The following CHST11 variants were observed in gnomAD, a reference collection of about 807,000 sequenced individuals.
CHST11 encodes C4S-1.
In CHST11, 9 loss-of-function variants were observed where a neutral mutation model predicts 30.4. The observed-to-expected ratio is 0.30, with a 90% CI of 0.18 to 0.52. The LOEUF (loss-of-function observed/expected upper bound fraction) is 0.52, where lower values mean the gene tolerates loss of function less well. CHST11 is among the 20% of genes least tolerant of loss of function. The pLI, the probability that CHST11 is intolerant of heterozygous loss-of-function variation, is 0.97. For missense variants in CHST11, 348 were observed against 460.6 expected, an observed-to-expected ratio of 0.76 and a Z score of 2.24; for synonymous variants, 152 against 187.8, an observed-to-expected ratio of 0.81 and a Z score of 1.56.
At chr12:104,726,246 A>G (rs983620257) in intron 2 of CHST11, among the ~76,000 whole-genome samples, 1 of 152,144 alleles carries the variant, frequency 6.6e-6, no homozygotes, top group African/African-American at 2.4e-5. Context: ...TTCAATGGTA[A>G]TTTTTGTCCT....
At chr12:104,585,605 AC>A (rs2038796431) in intron 1 of CHST11, among the ~76,000 whole-genome samples, 2 of 152,366 alleles carry the variant, frequency 1.3e-5, no homozygotes, top group South Asian at 4.1e-4. Context: ...AGGTGAGATA[AC>A]TGAGGCCAAG....
intron 2 of CHST11, among the ~76,000 whole-genome samples, chr12:104,690,086 A>G (rs921392609): frequency 1.3e-5 from 2 of 152,232 alleles, no homozygotes; most frequent in African/African-American, 4.8e-5. Context: ...GAAGGTGAAG[A>G]TTTAAAAATA....
intron 2 of CHST11, among the ~76,000 whole-genome samples, chr12:104,686,360 G>A (rs1389316690): frequency 1.3e-5 from 2 of 152,158 alleles, no homozygotes; most frequent in African/African-American, 2.4e-5. Flanking sequence ...CCAGAATGTG[G>A]GACAGCTGTG....
chr12:104,752,538 G>T (rs768799903), intron 2 of CHST11, among the ~76,000 whole-genome samples: 40 of 137,868 alleles, frequency 2.9e-4, no homozygotes, highest in East Asian at 1.6e-3. Flanking sequence ...ATTTATTTAT[G>T]TATTTTTGAG....
intron 2 of CHST11, among the ~76,000 whole-genome samples, chr12:104,714,572 A>G (rs951183124): frequency 2.8e-5 from 4 of 141,662 alleles, no homozygotes; most frequent in Admixed American, 6.9e-5. Flanking sequence ...GATGATGATG[A>G]TGATGGTGAC....
chr12:104,699,181 G>A (rs2039971689), intron 2 of CHST11, among the ~76,000 whole-genome samples: 1 of 152,154 alleles, frequency 6.6e-6, no homozygotes, highest in Non-Finnish European at 1.5e-5. Flanking sequence ...TTTTGTAGAT[G>A]TTCCCCACAT....
At chr12:104,479,843 C>G (rs1234950457) in intron 1 of CHST11, among the ~76,000 whole-genome samples, 2 of 152,192 alleles carry the variant, frequency 1.3e-5, no homozygotes. Flanking sequence ...ATGCATGCCA[C>G]TTGTTGAAGA....
At chr12:104,593,556 G>A (rs1043208881) in intron 1 of CHST11, among the ~76,000 whole-genome samples, 16 of 152,190 alleles carry the variant, frequency 1.1e-4, no homozygotes, top group African/African-American at 3.9e-4. Context: ...GGAGGATATC[G>A]GGTCAACATT....
At position 104,653,118 on chromosome 12, in the gene CHST11, A is replaced by T. The variant is rs540030838; in HGVS notation, c.204+51127A>T. On this transcript the variant is annotated intron_variant, in intron 2 of 2. Coordinates refer to ENST00000303694, the MANE Select transcript of CHST11 (RefSeq NM_018413.6). ...GAGCTGCTTCATCTTGCAACATGGA[A>T]TCTCTATACCGTTTGAACAATAACT... is the stretch of plus-strand genomic sequence containing the variant. 3.9e-5 allele frequency among the ~76,000 whole-genome samples: 6 copies of T among 152,234 alleles called. No homozygotes were observed. The South Asian group carries it at 1.2e-3, about 32-fold the overall frequency.
At chr12:104,692,618 C>T (rs556003054) in intron 2 of CHST11, among the ~76,000 whole-genome samples, 4 of 152,266 alleles carry the variant, frequency 2.6e-5, no homozygotes, top group South Asian at 2.1e-4. Context: ...GCCACAGACC[C>T]GTACCAGTCC....
At chr12:104,539,527 G>A (rs2038268105) in intron 1 of CHST11, among the ~76,000 whole-genome samples, 1 of 152,156 alleles carries the variant, frequency 6.6e-6, no homozygotes, top group Non-Finnish European at 1.5e-5. Context: ...TGGGATGGCT[G>A]AACAGTGGGA....
At chr12:104,686,858 G>A (rs2039851378) in intron 2 of CHST11, among the ~76,000 whole-genome samples, 1 of 152,144 alleles carries the variant, frequency 6.6e-6, no homozygotes, top group Middle Eastern at 3.2e-3. Context: ...ACGTTGGTCA[G>A]GCTGGTCTCA....
intron 1 of CHST11, among the ~76,000 whole-genome samples, chr12:104,551,603 A>G (rs2038405708): frequency 6.6e-6 from 1 of 152,152 alleles, no homozygotes; most frequent in African/African-American, 2.4e-5. Context: ...CCTCTCTGTG[A>G]AAAGACTGGA....
chr12:104,690,030 T>C (rs2039882926), intron 2 of CHST11, among the ~76,000 whole-genome samples: 1 of 152,240 alleles, frequency 6.6e-6, no homozygotes, highest in South Asian at 2.1e-4. Context: ...TCAATTTGTC[T>C]AATATCAATT....
intron 1 of CHST11, among the ~76,000 whole-genome samples, chr12:104,522,534 C>T (rs375139226): frequency 9.8e-5 from 15 of 152,332 alleles, no homozygotes; most frequent in African/African-American, 2.6e-4. Context: ...AAAATAATCC[C>T]AGCATGAGCA....
chr12:104,699,142 A>G (rs561726626), intron 2 of CHST11, among the ~76,000 whole-genome samples: 1 of 152,254 alleles, frequency 6.6e-6, no homozygotes, highest in Non-Finnish European at 1.5e-5. Context: ...AATGAATCAA[A>G]TCTTTGGGTG....
intron 2 of CHST11, among the ~76,000 whole-genome samples, chr12:104,680,769 C>CG (rs1566035539): frequency 6.6e-6 from 1 of 152,190 alleles, no homozygotes; most frequent in Non-Finnish European, 1.5e-5. Flanking sequence ...CACACTCCCC[C>CG]GGGTTCTCAC....
intron 1 of CHST11, among the ~76,000 whole-genome samples, chr12:104,507,992 T>G (rs751580671): frequency 1.3e-5 from 2 of 152,158 alleles, no homozygotes; most frequent in Non-Finnish European, 2.9e-5. Context: ...CAATCTACCA[T>G]GAGTACTAAC....
chr12:104,544,776 A>ACCCCCCCCCCCCCC (rs2038329823), intron 1 of CHST11, among the ~76,000 whole-genome samples: 1 of 50,508 alleles, frequency 2.0e-5, no homozygotes, highest in African/African-American at 5.2e-5. Flanking sequence ...CAGTCCCCCC[A>ACCCCCCCCCCCCCC]CCCCGGAGAT....
Sources: allele counts gnomAD v4.1 joint callset (sites outside exome capture counted in the v4.1 genomes callset), GRCh38; gene constraint gnomAD v4.1.1; transcripts MANE v1.5; gene names NCBI Gene and HGNC (gene_info 2026-07-23, HGNC 2026-07-21).